LINGO2: variants seen among roughly 807,000 people sequenced by gnomAD.
The protein encoded by LINGO2 is leucine-rich repeat and immunoglobulin-like domain-containing nogo receptor-interacting protein 2.
A neutral mutation model predicts 30.6 loss-of-function variants in LINGO2; 14 were observed. That is an observed-to-expected ratio of 0.46 (90% confidence interval 0.30 to 0.72). LINGO2 has a LOEUF of 0.72. Ranked by LOEUF, LINGO2 falls within the 30% of genes least tolerant of loss-of-function variation. The pLI is 0.07. For missense variants in LINGO2, 729 were observed against 751.7 expected, an observed-to-expected ratio of 0.97 and a Z score of 0.35; for synonymous variants, 317 against 288.5, an observed-to-expected ratio of 1.10 and a Z score of -1.00.
At chr9:29,199,021 C>T in the LINGO2 span, among the ~76,000 whole-genome samples, 1 of 152,022 alleles carries the variant, frequency 6.6e-6, no homozygotes, top group Admixed American at 6.6e-5. Context: ...ATTTTAATGG[C>T]GTAAAACCAC....
At chr9:28,608,351 AG>A (rs1321214702) in intron 1 of LINGO2, among the ~76,000 whole-genome samples, 1 of 152,004 alleles carries the variant, frequency 6.6e-6, no homozygotes, top group African/African-American at 2.4e-5. Flanking sequence ...TCAAAAAAAA[AG>A]AATGAAGAGT....
intron 3 of LINGO2, among the ~76,000 whole-genome samples, chr9:28,304,874 T>A (rs924968824): frequency 6.6e-6 from 1 of 151,970 alleles, no homozygotes; most frequent in African/African-American, 2.4e-5. Flanking sequence ...ATAAATAAAC[T>A]GTAGCTGAGG....
At chr9:28,057,545 G>T (rs10968319) in intron 4 of LINGO2, among the ~76,000 whole-genome samples, 1 of 87,018 alleles carries the variant, frequency 1.1e-5, no homozygotes. Context: ...ACACACATAT[G>T]TATATAAGTA....
At chr9:29,190,033 G>C in the LINGO2 span, among the ~76,000 whole-genome samples, 1 of 98,398 alleles carries the variant, frequency 1.0e-5, no homozygotes, top group Non-Finnish European at 2.2e-5. Context: ...CGTGGGGAGG[G>C]AGGGAGAGGG....
the LINGO2 span, among the ~76,000 whole-genome samples, chr9:28,783,007 A>G: frequency 6.6e-6 from 1 of 152,226 alleles, no homozygotes; most frequent in African/African-American, 2.4e-5. Context: ...AGGATTATGT[A>G]TCTATACATA....
At chr9:28,481,030 A>C (rs1476027737) in intron 1 of LINGO2, among the ~76,000 whole-genome samples, 1 of 152,070 alleles carries the variant, frequency 6.6e-6, no homozygotes. Flanking sequence ...TAATGTTGTC[A>C]ACTCATTATC....
chr9:28,928,857 A>T, the LINGO2 span, among the ~76,000 whole-genome samples: 111,998 of 151,430 alleles, frequency 0.74, 41,555 homozygotes, highest in Non-Finnish European at 0.78. Flanking sequence ...CCCGTATGTG[A>T]GCTCAAGTGA....
intron 4 of LINGO2, among the ~76,000 whole-genome samples, chr9:28,104,136 C>T (rs1437920852): frequency 6.6e-6 from 1 of 151,958 alleles, no homozygotes; most frequent in East Asian, 1.9e-4. Flanking sequence ...CTCCTTGTCC[C>T]CTACTCCTCT....
chr9:29,161,076 T>C, the LINGO2 span, among the ~76,000 whole-genome samples: 1 of 152,204 alleles, frequency 6.6e-6, no homozygotes, highest in South Asian at 2.1e-4. Flanking sequence ...GGGCTCAACA[T>C]GCTCACACTC....
chr9:28,041,177 T>A (rs1188902386), intron 4 of LINGO2, among the ~76,000 whole-genome samples: 1 of 152,216 alleles, frequency 6.6e-6, no homozygotes, highest in Non-Finnish European at 1.5e-5. Flanking sequence ...GAATCTAGCA[T>A]CTATTCTGTC....
At chr9:28,441,291 G>GTTTTTT (rs1824188157) in intron 2 of LINGO2, among the ~76,000 whole-genome samples, 1 of 40,356 alleles carries the variant, frequency 2.5e-5, no homozygotes, top group Admixed American at 3.6e-4. Flanking sequence ...TTTTTTTTTG[G>GTTTTTT]TGAATTAGCC....
the LINGO2 span, among the ~76,000 whole-genome samples, chr9:28,697,404 C>T: frequency 3.1e-4 from 47 of 151,706 alleles, no homozygotes; most frequent in Non-Finnish European, 6.2e-4. Context: ...GAATAAAAAC[C>T]GACTATATAT....
At chr9:29,042,603 C>A in the LINGO2 span, among the ~76,000 whole-genome samples, 3 of 151,880 alleles carry the variant, frequency 2.0e-5, no homozygotes, top group South Asian at 2.1e-4. Context: ...GAATATATTT[C>A]TTTTAATCTT....
chr9:28,454,899 CT>C (rs1824787105), intron 2 of LINGO2, among the ~76,000 whole-genome samples: 1 of 151,990 alleles, frequency 6.6e-6, no homozygotes. Context: ...AAAAATACTA[CT>C]TAACCATCTG....
At chr9:29,056,514 T>A in the LINGO2 span, among the ~76,000 whole-genome samples, 1 of 152,220 alleles carries the variant, frequency 6.6e-6, no homozygotes, top group African/African-American at 2.4e-5. Context: ...ATGCACAGTT[T>A]GTGAAGGTTT....
chr9:28,598,453 A>C (rs1382163808), intron 1 of LINGO2, among the ~76,000 whole-genome samples: 1 of 143,464 alleles, frequency 7.0e-6, no homozygotes, highest in African/African-American at 2.7e-5. Context: ...ACAAACAAAC[A>C]AAAAAAACGC....
the LINGO2 span, among the ~76,000 whole-genome samples, chr9:28,841,223 T>C: frequency 2.6e-5 from 4 of 151,770 alleles, no homozygotes. Context: ...CATATGTATA[T>C]GTACATGTGG....
intron 1 of LINGO2, among the ~76,000 whole-genome samples, chr9:28,601,742 C>G (rs1762703146): frequency 6.6e-6 from 1 of 152,050 alleles, no homozygotes; most frequent in Non-Finnish European, 1.5e-5. Context: ...GAAGTACCTA[C>G]AAAAATCCCC....
chr9:29,039,323 A>G, the LINGO2 span, among the ~76,000 whole-genome samples: 4 of 152,200 alleles, frequency 2.6e-5, no homozygotes, highest in Non-Finnish European at 5.9e-5. Context: ...GTATATATGC[A>G]TAAGTCTACT....
Sources: allele counts gnomAD v4.1 joint callset (sites outside exome capture counted in the v4.1 genomes callset), GRCh38; gene constraint gnomAD v4.1.1; transcripts MANE v1.5; gene names NCBI Gene and HGNC (gene_info 2026-07-23, HGNC 2026-07-21).